PTCHD4: variants seen among roughly 807,000 people sequenced by gnomAD.
The protein encoded by PTCHD4 is patched domain-containing protein 4.
Under a neutral mutation model 58.1 loss-of-function variants are expected in PTCHD4, and 33 were observed. That is an observed-to-expected ratio of 0.57 (90% CI 0.43 to 0.76). The LOEUF is 0.76. PTCHD4 is among the 30% of genes least tolerant of loss of function. The probability of loss-of-function intolerance (pLI) is 0.00; values close to 1 mark genes in which losing one functional copy is unlikely to be tolerated. For synonymous variants in PTCHD4, 478 were observed against 409.6 expected (o/e 1.17, Z -2.02); for missense variants, 1,058 against 1,027.1 (o/e 1.03, Z -0.41).
intron 4 of PTCHD4, among the ~76,000 whole-genome samples, chr6:47,940,316 A>G (rs1428535537): frequency 2.0e-5 from 3 of 151,362 alleles, no homozygotes; most frequent in Non-Finnish European, 1.5e-5. Flanking sequence ...TGCCCCATGC[A>G]GTATAATTAA....
At position 47,865,107 on chromosome 6, in the gene PTCHD4, T is replaced by C. The variant is rs1763524605; in HGVS notation, c.*13196A>G. Among the ~76,000 whole-genome samples the C allele has an allele frequency of 6.6e-6, 1 of 151,930 alleles. No individual in the cohort carries two copies. ...TGCTAATTAAATTGATGTTTATATA[T>C]GTAGATTAATCTAGATACTATTGTA... On this transcript the variant is annotated 3_prime_UTR_variant, in exon 5 of 5. Transcript: ENST00000339488.
chr6:47,993,469 A>T (rs2114040844), intron 4 of PTCHD4, among the ~76,000 whole-genome samples: 1 of 152,326 alleles, frequency 6.6e-6, no homozygotes, highest in South Asian at 2.1e-4. Context: ...GAACCTTGAC[A>T]GTTGCCTGGC....
chr6:47,983,560 T>A (rs973270468), intron 4 of PTCHD4, among the ~76,000 whole-genome samples: 7 of 152,208 alleles, frequency 4.6e-5, no homozygotes, highest in African/African-American at 7.2e-5. Flanking sequence ...ATTTCCAAGT[T>A]TAGTTTTTTA....
chr6:47,968,404 G>T (rs114167758), intron 4 of PTCHD4, among the ~76,000 whole-genome samples: 5 of 152,126 alleles, frequency 3.3e-5, no homozygotes, highest in African/African-American at 7.2e-5. Flanking sequence ...GAAATAGTGC[G>T]AGAATTAACA....
intron 4 of PTCHD4, 32 bp downstream of exon 4, chr6:48,008,602 A>C (rs757777906): frequency 6.3e-7 from 1 of 1,596,230 alleles, no homozygotes; most frequent in African/African-American, 1.3e-5. Flanking sequence ...CAAACCGGTA[A>C]GAATCCGATT....
chr6:47,925,013 T>C (rs1348098430), intron 4 of PTCHD4, among the ~76,000 whole-genome samples: 2 of 149,522 alleles, frequency 1.3e-5, no homozygotes, highest in Admixed American at 1.3e-4. Flanking sequence ...TATATATGTA[T>C]ATATGCTTTT....
chr6:47,998,688 A>G (rs1371527999), intron 4 of PTCHD4, among the ~76,000 whole-genome samples: 1 of 152,096 alleles, frequency 6.6e-6, no homozygotes, highest in Non-Finnish European at 1.5e-5. Flanking sequence ...GCTACCTCAA[A>G]TGCTTGACAT....
chr6:48,032,917 T>C (rs2814484), intron 3 of PTCHD4, among the ~76,000 whole-genome samples: 122,481 of 152,056 alleles, frequency 0.81, 49,341 homozygotes, highest in Middle Eastern at 0.85. Context: ...TCCTTGAAGG[T>C]GGAATCGGTG....
chr6:47,915,840 C>A (rs181106604), intron 4 of PTCHD4, among the ~76,000 whole-genome samples: 2 of 152,158 alleles, frequency 1.3e-5, no homozygotes, highest in East Asian at 3.9e-4. Flanking sequence ...ACAAAGGCTG[C>A]AAGATACCAT....
intron 4 of PTCHD4, among the ~76,000 whole-genome samples, chr6:48,003,437 C>T (rs1235413837): frequency 6.6e-6 from 1 of 152,134 alleles, no homozygotes; most frequent in East Asian, 1.9e-4. Context: ...TTTTCTCTTA[C>T]ATGCCATATC....
chr6:47,876,174 C>G lies in PTCHD4; in HGVS notation c.*2129G>C, dbSNP rs1268221605. On this transcript the variant is annotated 3_prime_UTR_variant, in exon 5 of 5. Transcript: ENST00000339488. The stretch of plus-strand genomic sequence containing the variant: ...ATCATGGTCTGGAGGCTACTCGTAC[C>G]AAATACCAGTTCATTCTAGTACAGC... Among the ~76,000 whole-genome samples, 1 of 151,706 alleles carries G rather than the reference C, an allele frequency of 6.6e-6. No individual in the cohort carries two copies. The highest frequency in any genetic ancestry group is 1.9e-4 in the East Asian group (1 of 5,146).
intron 3 of PTCHD4, among the ~76,000 whole-genome samples, chr6:48,061,434 T>G (rs1764622306): frequency 6.6e-6 from 1 of 152,178 alleles, no homozygotes; most frequent in African/African-American, 2.4e-5. Flanking sequence ...AATTACCATA[T>G]TTTCTTATGG....
chr6:47,989,859 A>T (rs182367655), intron 4 of PTCHD4, among the ~76,000 whole-genome samples: 1 of 152,300 alleles, frequency 6.6e-6, no homozygotes, highest in Admixed American at 6.5e-5. Context: ...AGCTGTGCGA[A>T]GAAGGCCACT....
At chr6:47,990,615 C>T (rs571949246) in intron 4 of PTCHD4, among the ~76,000 whole-genome samples, 2 of 152,264 alleles carry the variant, frequency 1.3e-5, no homozygotes, top group South Asian at 4.1e-4. Context: ...TACCTTTTCC[C>T]TCCCACCATG....
intron 4 of PTCHD4, among the ~76,000 whole-genome samples, chr6:47,914,758 A>C (rs979154013): frequency 1.1e-4 from 16 of 147,744 alleles, no homozygotes; most frequent in African/African-American, 3.9e-4. Flanking sequence ...CTATCTATCT[A>C]TCTATCTATC....
intron 4 of PTCHD4, among the ~76,000 whole-genome samples, chr6:47,989,526 T>G (rs12207852): frequency 0.21 from 31,895 of 152,026 alleles, 3,466 homozygotes; most frequent in South Asian, 0.32. Flanking sequence ...GAAGTCTAGG[T>G]ACTTGGTTCC....
In PTCHD4 at chr6:47,867,681, A is replaced by T. The variant is rs1322543133; in HGVS notation, c.*10622T>A. The stretch of plus-strand genomic sequence containing the variant: ...TTGTATATTTCACTTTTTCTCCCTG[A>T]CTGTTGAGCCCATCCTCCATCTCTA... On this transcript the variant is annotated 3_prime_UTR_variant, in exon 5 of 5. Coordinates refer to ENST00000339488, the MANE Select transcript of PTCHD4 (RefSeq NM_001384253.1). 6.6e-6 allele frequency among the ~76,000 whole-genome samples: 1 copy of T among 151,550 alleles called. No individual in the cohort carries two copies. The highest frequency in any genetic ancestry group is 6.6e-5 in the Admixed American group (1 of 15,174).
At chr6:47,919,929 A>T (rs1468701483) in intron 4 of PTCHD4, among the ~76,000 whole-genome samples, 1 of 152,066 alleles carries the variant, frequency 6.6e-6, no homozygotes, top group Non-Finnish European at 1.5e-5. Flanking sequence ...GGTGGAAATG[A>T]GGGAGGCCAC....
At chr6:47,998,804 G>A (rs563540746) in intron 4 of PTCHD4, among the ~76,000 whole-genome samples, 1 of 152,092 alleles carries the variant, frequency 6.6e-6, no homozygotes, top group African/African-American at 2.4e-5. Flanking sequence ...CATTAGAAAG[G>A]TCTGACACAG....
Sources: allele counts gnomAD v4.1 joint callset (sites outside exome capture counted in the v4.1 genomes callset), GRCh38; gene constraint gnomAD v4.1.1; transcripts MANE v1.5; gene names NCBI Gene and HGNC (gene_info 2026-07-23, HGNC 2026-07-21).